CDH17: variants seen among roughly 807,000 people sequenced by gnomAD.
CDH17 encodes the protein cadherin 17, also known as cadherin-17.
Under a neutral mutation model 86.3 loss-of-function variants are expected in CDH17, and 67 were observed. That is an observed-to-expected ratio of 0.78 (90% CI 0.64 to 0.95). The LOEUF (loss-of-function observed/expected upper bound fraction) is 0.95. Ranked by LOEUF, CDH17 falls within the 40% of genes least tolerant of loss-of-function variation. The pLI, the probability that CDH17 is intolerant of heterozygous loss-of-function variation, is 0.00. For missense variants in CDH17, 993 were observed against 1,017.6 expected, an observed-to-expected ratio of 0.98 and a Z score of 0.33; for synonymous variants, 367 against 366.4, an observed-to-expected ratio of 1.00 and a Z score of -0.02.
intron 9 of CDH17, among the ~76,000 whole-genome samples, chr8:94,168,457 A>G (rs376815368): frequency 6.6e-6 from 1 of 151,760 alleles, no homozygotes; most frequent in East Asian, 2.0e-4. Flanking sequence ...TCAGTATTTT[A>G]TCAAGGTTTT....
At chr8:94,195,674 G>A (rs1348618128) in intron 1 of CDH17, among the ~76,000 whole-genome samples, 1 of 152,022 alleles carries the variant, frequency 6.6e-6, no homozygotes, top group Non-Finnish European at 1.5e-5. Context: ...TTTAAGATGT[G>A]AGAGAAATTT....
chr8:94,163,710 G>A (rs547907693), intron 10 of CDH17, among the ~76,000 whole-genome samples: 117 of 152,348 alleles, frequency 7.7e-4, no homozygotes, highest in African/African-American at 2.8e-3. Context: ...TAACTCTAGA[G>A]CTGGTGCTCA....
intron 8 of CDH17, 44 bp from the exon 9 acceptor site, chr8:94,170,591 C>T: frequency 6.3e-7 from 1 of 1,590,456 alleles, no homozygotes; most frequent in Middle Eastern, 1.7e-4. Flanking sequence ...CACCCACCAC[C>T]CTCTGTCAAA....
Position 94,174,104 on chromosome 8 carries a change from T to C in CDH17, c.581A>G (p.Glu194Gly). The change falls in exon 6 of 18, where the codon GAG (glutamate) becomes GGG (glycine). Residue 194 changes from glutamate to glycine, a missense_variant and splice_region_variant. Coordinates refer to ENST00000027335, the MANE Select transcript of CDH17 (RefSeq NM_004063.4). ...NKTGAISLTR[E>G]GSQELNPAKN... ...TACCAGGGCACCCCTGAACTTACCC[T>C]CTCGGGTAAGAGAGATGGCTCCCGT... is the stretch of plus-strand genomic sequence containing the variant. The C allele has an allele frequency of 1.2e-6, 2 of 1,612,524 alleles. No individual in the cohort carries two copies. Among genetic ancestry groups the C allele is most frequent in the Non-Finnish European group, 1.7e-6 (2 of 1,178,716 alleles).
intron 7 of CDH17, 46 bp downstream of exon 7, chr8:94,173,751 C>T (rs1024781623): frequency 1.4e-6 from 2 of 1,420,030 alleles, no homozygotes; most frequent in African/African-American, 2.8e-5. Flanking sequence ...CAAAGTGAAG[C>T]CATTTATCTA....
chr8:94,183,538 A>G (rs1038563578), intron 3 of CDH17, among the ~76,000 whole-genome samples: 6 of 151,746 alleles, frequency 4.0e-5, no homozygotes, highest in South Asian at 2.1e-4. Context: ...TTGGACCCTT[A>G]CCCCATACCA....
intron 9 of CDH17, among the ~76,000 whole-genome samples, chr8:94,167,963 G>A (rs76092510): frequency 4.8e-4 from 72 of 151,210 alleles, no homozygotes; most frequent in African/African-American, 1.7e-3. Flanking sequence ...GGGTTTTTAT[G>A]AGAGTCTAAA....
In CDH17 at chr8:94,145,940, A is replaced by T. The variant is rs1812732335; in HGVS notation, c.2155T>A (p.Ser719Thr). Residue 719 changes from serine (S) to threonine (T), a missense_variant, in exon 15 of 18, where the codon TCC becomes ACC. By Grantham distance (58) the Ser-to-Thr change is moderately conservative. Transcript: ENST00000027335. ...TCTGACAACTCACCATTGATTTTGG[A>T]AACTTCCCAGTCGTTTTGTAAGCTT... is the stretch of plus-strand genomic sequence containing the variant. ...SGSLQNDWEV[S>T]KINGTHARLS... The T allele has an allele frequency of 1.9e-6, 3 of 1,611,748 alleles. No individual in the cohort carries two copies. In the Admixed American group the frequency reaches 5.0e-5, roughly 27 times the overall value.
chr8:94,199,461 A>ATTT (rs5893273), intron 1 of CDH17, among the ~76,000 whole-genome samples: 4 of 148,378 alleles, frequency 2.7e-5, no homozygotes, highest in African/African-American at 9.9e-5. Context: ...TCTTGAACTA[A>ATTT]TTTTTTTTTT....
intron 1 of CDH17, among the ~76,000 whole-genome samples, chr8:94,195,398 C>T (rs1374571462): frequency 6.6e-6 from 1 of 152,134 alleles, no homozygotes; most frequent in Non-Finnish European, 1.5e-5. Context: ...ATATGAGATT[C>T]CGCAAGTGAA....
chr8:94,200,000 C>T (rs1813873502), intron 1 of CDH17, among the ~76,000 whole-genome samples: 1 of 152,338 alleles, frequency 6.6e-6, no homozygotes, highest in South Asian at 2.1e-4. Flanking sequence ...TTTCTCTTCA[C>T]AATTCCCAAC....
intron 9 of CDH17, among the ~76,000 whole-genome samples, chr8:94,167,375 A>T (rs968290435): frequency 6.6e-6 from 1 of 152,094 alleles, no homozygotes; most frequent in South Asian, 2.1e-4. Flanking sequence ...CCATTTGTGG[A>T]GTTACACCCC....
At chr8:94,189,537 A>G (rs1813645505) in intron 2 of CDH17, among the ~76,000 whole-genome samples, 1 of 152,226 alleles carries the variant, frequency 6.6e-6, no homozygotes, top group Non-Finnish European at 1.5e-5. Flanking sequence ...TATGAGAAGA[A>G]TGTTAACATC....
Position 94,193,068 on chromosome 8 carries a change from G to A in CDH17, c.51+1567C>T, listed in dbSNP as rs532427727. On this transcript the variant is annotated intron_variant, in intron 2 of 17. Coordinates refer to ENST00000027335, the MANE Select transcript of CDH17 (RefSeq NM_004063.4). Reference sequence around the variant, plus strand: ...CACTCCCTGACTTCACCCAGAGACAGCTGTGCTTGTGGCTTTCACCTGGGT... The same window carrying A: ...CACTCCCTGACTTCACCCAGAGACAACTGTGCTTGTGGCTTTCACCTGGGT... Among the ~76,000 whole-genome samples, 3 of 152,286 alleles carry A rather than the reference G, an allele frequency of 2.0e-5. No homozygotes were observed. The East Asian group carries it at 5.8e-4, about 29-fold the overall frequency.
chr8:94,169,159 T>C (rs1813221514), intron 9 of CDH17, among the ~76,000 whole-genome samples: 1 of 152,166 alleles, frequency 6.6e-6, no homozygotes, highest in Non-Finnish European at 1.5e-5. Context: ...TCAAAGATTT[T>C]CCACCTTTAT....
At chr8:94,191,649 T>C (rs1384648189) in intron 2 of CDH17, among the ~76,000 whole-genome samples, 1 of 152,012 alleles carries the variant, frequency 6.6e-6, no homozygotes, top group Non-Finnish European at 1.5e-5. Flanking sequence ...AAATGGGGTT[T>C]CACCATGTTG....
upstream of CDH17, among the ~76,000 whole-genome samples, chr8:94,210,643 CTAA>C (rs1490430333): frequency 6.6e-6 from 1 of 152,094 alleles, no homozygotes; most frequent in Non-Finnish European, 1.5e-5. Flanking sequence ...AATAGACTTG[CTAA>C]TAATAGGAAT....
At chr8:94,208,416 C>A (rs1814070484) in intron 1 of CDH17, 67 bp downstream of exon 1, 1 of 152,238 alleles carries the variant, frequency 6.6e-6, no homozygotes, top group South Asian at 2.1e-4. Flanking sequence ...GTGCCCTCCC[C>A]CTCCATCTAC....
At chr8:94,210,057 T>G (rs920033577), upstream of CDH17, among the ~76,000 whole-genome samples, 1 of 151,860 alleles carries the variant, frequency 6.6e-6, no homozygotes, top group Non-Finnish European at 1.5e-5. Flanking sequence ...CAAAGTAGAT[T>G]CCAGTTTATA....
Sources: allele counts gnomAD v4.1 joint callset (sites outside exome capture counted in the v4.1 genomes callset), GRCh38; gene constraint gnomAD v4.1.1; transcripts MANE v1.5; gene names NCBI Gene and HGNC (gene_info 2026-07-23, HGNC 2026-07-21).